TUBB6: variants seen among roughly 807,000 people sequenced by gnomAD.
TUBB6 encodes tubulin beta 6 class V, also known as tubulin beta-6 chain.
Under a neutral mutation model 32.3 loss-of-function variants are expected in TUBB6, and 18 were observed. The observed-to-expected ratio is 0.56, with a 90% CI of 0.39 to 0.83. TUBB6 has a LOEUF of 0.83. Among genes scored for constraint, TUBB6 ranks in the 40% least tolerant of loss-of-function variants. The probability of loss-of-function intolerance (pLI) is 0.00; values close to 1 mark genes in which losing one functional copy is unlikely to be tolerated. For synonymous variants in TUBB6, 280 were observed against 265.8 expected, an observed-to-expected ratio of 1.05 and a Z score of -0.52; for missense variants, 480 against 632.0, an observed-to-expected ratio of 0.76 and a Z score of 2.58.
At chr18:12,324,219 T>C (rs938084386) in intron 3 of TUBB6, among the ~76,000 whole-genome samples, 3 of 151,276 alleles carry the variant, frequency 2.0e-5, no homozygotes, top group Non-Finnish European at 4.4e-5. Flanking sequence ...AATACAAAAA[T>C]ATTAGCCAGG....
chr18:12,309,087 A>G (rs969850932), intron 2 of TUBB6, among the ~76,000 whole-genome samples: 6 of 152,144 alleles, frequency 3.9e-5, no homozygotes, highest in Non-Finnish European at 8.8e-5. Flanking sequence ...GCGGTGGCTC[A>G]AGCCTCTAAT....
downstream of TUBB6, chr18:12,329,024 G>GT: frequency 3.2e-6 from 2 of 634,500 alleles, no homozygotes; most frequent in East Asian, 5.5e-5. Context: ...ATATTTTTAA[G>GT]TATGTTACAG....
At chr18:12,308,154 C>T (rs1906089948), upstream of TUBB6, 3 of 375,736 alleles carry the variant, frequency 8.0e-6, no homozygotes, top group Non-Finnish European at 1.1e-5. Context: ...GCGGGGGCGG[C>T]GGGGCGGGGC....
At chr18:12,314,776 A>T (rs1906580207) in intron 3 of TUBB6, among the ~76,000 whole-genome samples, 1 of 152,176 alleles carries the variant, frequency 6.6e-6, no homozygotes, top group Admixed American at 6.5e-5. Context: ...TGTGGCTGAG[A>T]ATTAATTTTA....
intron 3 of TUBB6, among the ~76,000 whole-genome samples, chr18:12,311,511 C>T (rs1015274321): frequency 5.9e-5 from 9 of 152,102 alleles, no homozygotes; most frequent in African/African-American, 1.9e-4. Flanking sequence ...GCAGGAGAAT[C>T]GCTGGAACCC....
intron 3 of TUBB6, among the ~76,000 whole-genome samples, chr18:12,315,886 T>A (rs1906646440): frequency 2.0e-5 from 3 of 152,156 alleles, no homozygotes; most frequent in South Asian, 4.1e-4. Flanking sequence ...CTTAAATGGG[T>A]AGTAGGTGTG....
downstream of TUBB6, chr18:12,329,600 T>C (rs761546721): frequency 8.1e-6 from 13 of 1,614,026 alleles, no homozygotes; most frequent in Non-Finnish European, 1.1e-5. Context: ...GGCTCCTCTT[T>C]CTCCTTTTCC....
At chr18:12,328,328 A>G (rs1462285582), downstream of TUBB6, among the ~76,000 whole-genome samples, 1 of 152,248 alleles carries the variant, frequency 6.6e-6, no homozygotes, top group East Asian at 1.9e-4. Flanking sequence ...AAAAATGTAA[A>G]TAGTTAAAAA....
At chr18:12,327,727 A>AGAGCTTAAG (rs1907384204), downstream of TUBB6, among the ~76,000 whole-genome samples, 1 of 152,184 alleles carries the variant, frequency 6.6e-6, no homozygotes, top group Non-Finnish European at 1.5e-5. Context: ...TCCAGGGCCC[A>AGAGCTTAAG]GAGCTTAAGG....
intron 3 of TUBB6, among the ~76,000 whole-genome samples, chr18:12,319,720 A>AAG (rs1192531770): frequency 1.3e-5 from 2 of 152,126 alleles, no homozygotes; most frequent in African/African-American, 2.4e-5. Flanking sequence ...TTGGGAGGCC[A>AAG]AGACAGGATG....
chr18:12,308,566 G>C, intron 1 of TUBB6, 121 bp from the exon 2 acceptor site: 1 of 811,746 alleles, frequency 1.2e-6, no homozygotes, highest in Non-Finnish European at 1.9e-6. Context: ...AACTGGGAGC[G>C]GCTGCCGGCG....
At chr18:12,327,003 C>A (rs1031437458), downstream of TUBB6, among the ~76,000 whole-genome samples, 1 of 152,232 alleles carries the variant, frequency 6.6e-6, no homozygotes, top group Admixed American at 6.5e-5. Flanking sequence ...CTTCTACCAC[C>A]GGCCACACCT....
chr18:12,317,808 C>T (rs1013639429), intron 3 of TUBB6, among the ~76,000 whole-genome samples: 6 of 152,204 alleles, frequency 3.9e-5, no homozygotes, highest in Non-Finnish European at 5.9e-5. Context: ...AACATCACAC[C>T]GTATCAGTAC....
chr18:12,319,965 T>C (rs1906896399), intron 3 of TUBB6, among the ~76,000 whole-genome samples: 1 of 152,082 alleles, frequency 6.6e-6, no homozygotes, highest in Non-Finnish European at 1.5e-5. Flanking sequence ...TTTTTTTATA[T>C]TTTTGGTAGA....
intron 2 of TUBB6, among the ~76,000 whole-genome samples, chr18:12,309,541 G>A (rs1222263831): frequency 1.3e-5 from 2 of 152,038 alleles, no homozygotes; most frequent in Non-Finnish European, 2.9e-5. Context: ...TGAAACTCCA[G>A]GCAGTTCTCA....
chr18:12,324,799 C>A, intron 3 of TUBB6: 1 of 1,306,376 alleles, frequency 7.7e-7, no homozygotes, highest in Non-Finnish European at 9.7e-7. Context: ...TGAATTCTAC[C>A]ATGTGCAAGA....
Position 12,325,206 on chromosome 18 carries a change from G to A in TUBB6, c.417G>A (p.Leu139=). The change falls in exon 4 of 4, where the codon CTG becomes CTA. Residue 139 remains leucine, a synonymous_variant. Coordinates refer to ENST00000317702, the MANE Select transcript of TUBB6 (RefSeq NM_032525.3). ...AGGGCTTCCAGCTCACGCACTCGCT[G>A]GGCGGCGGCACGGGCTCAGGCATGG... ...CLQGFQLTHS[L]GGGTGSGMGT... 6.2e-7 allele frequency: 1 copy of A among 1,614,118 alleles called. No homozygotes were observed. Among genetic ancestry groups the A allele is most frequent in the Non-Finnish European group, 8.5e-7 (1 of 1,180,014 alleles).
downstream of TUBB6, among the ~76,000 whole-genome samples, chr18:12,327,222 C>T (rs1190348296): frequency 6.6e-6 from 1 of 152,246 alleles, no homozygotes; most frequent in Non-Finnish European, 1.5e-5. Context: ...TCCTGCTCTG[C>T]CTCCCACGTG....
Position 12,325,352 on chromosome 18 carries a change from C to A in TUBB6, c.563C>A (p.Ser188Ter). 1 of 1,614,210 alleles carries A rather than the reference C, an allele frequency of 6.2e-7. No homozygotes were observed. Among genetic ancestry groups the A allele is most frequent in the South Asian group, 1.1e-5 (1 of 91,086 alleles). Reference sequence around the variant, plus strand: ...GTGGAGCCCTACAATGCCACACTGTCGGTGCACCAGCTGGTGGAGAATACA... The same window carrying A: ...GTGGAGCCCTACAATGCCACACTGTAGGTGCACCAGCTGGTGGAGAATACA... ...TVVEPYNATL[S>*]VHQLVENTDE... The change falls in exon 4 of 4, where the codon TCG becomes TAG. Residue 188 changes from serine (S) to a stop codon, truncating the protein, a stop_gained. Transcript: ENST00000317702. LOFTEE classifies it high-confidence loss of function.
Sources: allele counts gnomAD v4.1 joint callset (sites outside exome capture counted in the v4.1 genomes callset), GRCh38; gene constraint gnomAD v4.1.1; transcripts MANE v1.5; gene names NCBI Gene and HGNC (gene_info 2026-07-23, HGNC 2026-07-21).